Variants in CDC73 observed in about 807,000 individuals in gnomAD.
CDC73 encodes cell division cycle 73.
CDC73 carries 21 observed loss-of-function variants against 83.7 expected under a neutral mutation model. The observed-to-expected ratio is 0.25, with a 90% confidence interval of 0.18 to 0.36. The LOEUF (loss-of-function observed/expected upper bound fraction) is 0.36. CDC73 is among the 10% of genes least tolerant of loss of function. The pLI, the probability that CDC73 is intolerant of heterozygous loss-of-function variation, is 1.00. For missense variants in CDC73, 342 were observed against 653.3 expected (o/e 0.52, Z 5.19); for synonymous variants, 224 against 212.9 (o/e 1.05, Z -0.45).
rs74920792 is a variant in CDC73 at position 193,203,896 on chromosome 1, G to C, written c.1030+44G>C. On this transcript the variant is annotated intron_variant, in intron 11 of 16. Transcript: ENST00000367435. ...GCTTTTTGTTTTCTTTCAAAAGATC[G>C]TAACAGTGCAAGTTTTTAGTATGCG... 4.6e-6 allele frequency: 7 copies of C among 1,526,644 alleles called. No individual in the cohort carries two copies. The African/African-American group carries it at 5.5e-5, about 12-fold the overall frequency. 94.6% of individuals were successfully genotyped at this position (1,526,644 alleles called of 1,614,324 possible).
In CDC73 at chr1:193,236,278, G is replaced by T. The variant is rs1677756699; in HGVS notation, c.1339G>T (p.Val447Leu). 1 of 1,613,692 alleles carries T rather than the reference G, an allele frequency of 6.2e-7. No individual in the cohort carries two copies. The highest frequency in any genetic ancestry group is 1.3e-5 in the African/African-American group (1 of 74,902). ...QDWDRVVAVFVQGPAWQFKGW... is the reference protein window; with the variant it reads ...QDWDRVVAVFLQGPAWQFKGW... Reference sequence around the variant, plus strand: ...TAGGGACCGCGTTGTAGCCGTTTTTGTGCAGGGTCCTGCATGGCAGTTCAA... The same window carrying T: ...TAGGGACCGCGTTGTAGCCGTTTTTTTGCAGGGTCCTGCATGGCAGTTCAA... Residue 447 changes from valine (V) to leucine (L), a missense_variant, in exon 15 of 17, where the codon GTG becomes TTG. Coordinates refer to ENST00000367435, the MANE Select transcript of CDC73 (RefSeq NM_024529.5).
At chr1:193,164,399 T>C (rs1676398388) in intron 10 of CDC73, among the ~76,000 whole-genome samples, 1 of 152,196 alleles carries the variant, frequency 6.6e-6, no homozygotes, top group Non-Finnish European at 1.5e-5. Flanking sequence ...AATGTTAGTA[T>C]ACCATGAGAA....
chr1:193,241,731 G>A (rs1426650669), intron 15 of CDC73, among the ~76,000 whole-genome samples: 3 of 152,204 alleles, frequency 2.0e-5, no homozygotes, highest in Non-Finnish European at 4.4e-5. Context: ...GGTGCCAACA[G>A]TGGAGGATGT....
At chr1:193,224,741 G>T (rs1677536781) in intron 13 of CDC73, among the ~76,000 whole-genome samples, 1 of 152,106 alleles carries the variant, frequency 6.6e-6, no homozygotes. Context: ...AGAGCACTTA[G>T]AAATCTTACA....
intron 7 of CDC73, among the ~76,000 whole-genome samples, 158 bp downstream of exon 7, chr1:193,142,224 A>C (rs1290292463): frequency 6.6e-6 from 1 of 152,142 alleles, no homozygotes; most frequent in Non-Finnish European, 1.5e-5. Context: ...CCAGATGGCC[A>C]TTTTTACCAT....
chr1:193,178,972 G>T (rs1253934669), intron 10 of CDC73: 4 of 152,136 alleles, frequency 2.6e-5, no homozygotes, highest in Non-Finnish European at 5.9e-5. Context: ...TAGTTAGTAG[G>T]TTGGTATTTC....
intron 11 of CDC73, among the ~76,000 whole-genome samples, chr1:193,206,884 C>T (rs981662723): frequency 2.6e-5 from 4 of 152,272 alleles, no homozygotes; most frequent in Middle Eastern, 6.8e-3. Context: ...CAGTTAAACA[C>T]TTTAAACCTA....
rs1463970390 is a variant in CDC73 at position 193,223,333 on chromosome 1, C to G, written c.1155-9660C>G. 2.0e-5 allele frequency among the ~76,000 whole-genome samples: 3 copies of G among 152,036 alleles called. No individual in the cohort carries two copies. In the East Asian group the frequency reaches 5.8e-4, roughly 29 times the overall value. ...ATCTCCAAGTGAATATGACAGAACT[C>G]CAGAGAAGATGTGCATCTGTGTCTG... On this transcript the variant is annotated intron_variant, in intron 13 of 16. Coordinates refer to ENST00000367435, the MANE Select transcript of CDC73 (RefSeq NM_024529.5).
chr1:193,192,827 T>G (rs1190785429), intron 10 of CDC73, among the ~76,000 whole-genome samples: 1 of 152,212 alleles, frequency 6.6e-6, no homozygotes, highest in Non-Finnish European at 1.5e-5. Flanking sequence ...ATTAATCTGG[T>G]CACCCTCCGC....
intron 10 of CDC73, among the ~76,000 whole-genome samples, chr1:193,191,627 C>T (rs976642325): frequency 8.5e-5 from 13 of 152,106 alleles, no homozygotes; most frequent in Admixed American, 3.3e-4. Flanking sequence ...CTCAAGTGAT[C>T]TGCCCACCTC....
chr1:193,244,819 T>C (rs1392248237), intron 15 of CDC73, among the ~76,000 whole-genome samples: 1 of 152,152 alleles, frequency 6.6e-6, no homozygotes, highest in African/African-American at 2.4e-5. Flanking sequence ...TTCTGCCTTA[T>C]TTTTCCTCAG....
chr1:193,220,257 C>T (rs1677444716), intron 13 of CDC73, among the ~76,000 whole-genome samples: 1 of 150,312 alleles, frequency 6.7e-6, no homozygotes, highest in Non-Finnish European at 1.5e-5. Flanking sequence ...ACCTCCACCT[C>T]CCGGGTTCAA....
At chr1:193,147,271 C>A (rs371572802) in intron 7 of CDC73, among the ~76,000 whole-genome samples, 12 of 152,018 alleles carry the variant, frequency 7.9e-5, no homozygotes, top group African/African-American at 2.9e-4. Flanking sequence ...GGATTACAGT[C>A]ACGAGCCACC....
chr1:193,219,681 G>A (rs1041037933), intron 13 of CDC73, among the ~76,000 whole-genome samples: 7 of 152,234 alleles, frequency 4.6e-5, no homozygotes, highest in South Asian at 4.2e-4. Flanking sequence ...GCTAGACATC[G>A]AGTACATGTT....
rs981547140 is a variant in CDC73 at position 193,122,193 on chromosome 1, G to A, written c.-8G>A. ...CGCCCCGAGCCGGCGGAGGCGAGGGGGGGGAAGATGGCGGACGTGCTTAGC... is the reference window on the plus strand; with the variant it reads ...CGCCCCGAGCCGGCGGAGGCGAGGGAGGGGAAGATGGCGGACGTGCTTAGC... On this transcript the variant is annotated 5_prime_UTR_variant, in exon 1 of 17. Transcript: ENST00000367435. 5 of 1,613,136 alleles carry A rather than the reference G, an allele frequency of 3.1e-6. No individual in the cohort carries two copies. The East Asian group carries it at 6.7e-5, about 22-fold the overall frequency.
chr1:193,180,348 A>G (rs2103158295), intron 10 of CDC73: 1 of 1,606,014 alleles, frequency 6.2e-7, no homozygotes. Context: ...CTGCGTTGGC[A>G]CAGGCATTGT....
At chr1:193,169,159 T>C (rs1213364936) in intron 10 of CDC73, among the ~76,000 whole-genome samples, 1 of 152,214 alleles carries the variant, frequency 6.6e-6, no homozygotes, top group East Asian at 1.9e-4. Flanking sequence ...CTTTAGAAAT[T>C]GATGTTTAGA....
At chr1:193,144,541 G>T (rs990145475) in intron 7 of CDC73, among the ~76,000 whole-genome samples, 3 of 152,170 alleles carry the variant, frequency 2.0e-5, no homozygotes, top group African/African-American at 7.2e-5. Context: ...TAAAACTGCT[G>T]GTCATGGTGT....
rs1678051970 is a variant in CDC73, at chr1:193,252,034, G to A, written c.*1322G>A. 4.3e-6 allele frequency: 1 copy of A among 230,968 alleles called. No individual in the cohort carries two copies. The highest frequency in any genetic ancestry group is 8.6e-6 in the Non-Finnish European group (1 of 116,838). The allele number at this position is 230,968 out of a possible 1,614,324, so 14.3% of individuals were successfully genotyped here. On this transcript the variant is annotated 3_prime_UTR_variant, in exon 17 of 17. Transcript: ENST00000367435. ...ATAGGTATTAAGCTGACATTATCTA[G>A]CTTCTTAATGAAATTTAACACTGTC...
Sources: allele counts gnomAD v4.1 joint callset (sites outside exome capture counted in the v4.1 genomes callset), GRCh38; gene constraint gnomAD v4.1.1; transcripts MANE v1.5; gene names NCBI Gene and HGNC (gene_info 2026-07-23, HGNC 2026-07-21).